PLEKHH2: variants seen among roughly 807,000 people sequenced by gnomAD.
The protein encoded by PLEKHH2 is pleckstrin homology domain-containing family H member 2.
In PLEKHH2, 129 loss-of-function variants were observed where a neutral mutation model predicts 187.9. The ratio of observed to expected loss-of-function variants is 0.69; its 90% CI spans 0.59 to 0.79. The LOEUF (loss-of-function observed/expected upper bound fraction) is 0.79, where lower values mean the gene tolerates loss of function less well. Ranked by LOEUF, PLEKHH2 falls within the 30% of genes least tolerant of loss-of-function variation. The probability of loss-of-function intolerance (pLI) is 0.00; values close to 1 mark genes in which losing one functional copy is unlikely to be tolerated. For synonymous variants in PLEKHH2, 686 were observed against 605.6 expected (o/e 1.13, Z -1.95); for missense variants, 2,076 against 1,751.2 (o/e 1.19, Z -3.31).
At chr2:43,708,443 T>C (rs1669782189) in intron 11 of PLEKHH2, among the ~76,000 whole-genome samples, 1 of 152,200 alleles carries the variant, frequency 6.6e-6, no homozygotes, top group Admixed American at 6.5e-5. Flanking sequence ...ATTCTTCCCC[T>C]AGATGTCCGT....
chr2:43,765,506 T>C lies in PLEKHH2; in HGVS notation c.4390T>C (p.Ser1464Pro), dbSNP rs760889832. The C allele has an allele frequency of 6.2e-6, 10 of 1,614,046 alleles. No homozygotes were observed. The highest frequency in any genetic ancestry group is 8.5e-6 in the Non-Finnish European group (10 of 1,180,036). ...CCACCTCTCTGCTCCAGCACTGCTC[T>C]CAGCCCAGACCCGGGGACCCCAAGC... ...FHHLSAPALLSAQTRGPQARM... is the reference protein window; with the variant it reads ...FHHLSAPALLPAQTRGPQARM... Residue 1464 changes from serine (S) to proline (P), a missense_variant, in exon 30 of 30, where the codon TCA (serine) becomes CCA (proline). Transcript: ENST00000282406.
intron 2 of PLEKHH2, among the ~76,000 whole-genome samples, chr2:43,656,884 T>G (rs1295043315): frequency 6.6e-6 from 1 of 152,042 alleles, no homozygotes; most frequent in African/African-American, 2.4e-5. Flanking sequence ...CCAGGCATGG[T>G]GGCAAGTATC....
At chr2:43,753,876 T>A in intron 25 of PLEKHH2, 116 bp downstream of exon 25, 1 of 920,028 alleles carries the variant, frequency 1.1e-6, no homozygotes, top group Non-Finnish European at 1.5e-6. Context: ...TTGCTACAAT[T>A]AGCACCTTAA....
intron 2 of PLEKHH2, among the ~76,000 whole-genome samples, chr2:43,654,066 A>T (rs1666619908): frequency 6.6e-6 from 1 of 152,244 alleles, no homozygotes; most frequent in African/African-American, 2.4e-5. Context: ...AGAAATCACT[A>T]AACTAAAAAA....
chr2:43,748,833 T>G (rs1019031984), intron 24 of PLEKHH2, among the ~76,000 whole-genome samples: 2 of 152,098 alleles, frequency 1.3e-5, no homozygotes. Flanking sequence ...CTCAGCTTAC[T>G]GCAACCTTTG....
rs770964556 is a variant in PLEKHH2 at position 43,729,549 on chromosome 2, C to G, written c.2722-88C>G. 159 of 829,150 alleles carry G rather than the reference C, an allele frequency of 1.9e-4. 1 individual carries two copies. Among genetic ancestry groups the G allele is most frequent in the Non-Finnish European group, 2.7e-4 (155 of 576,328 alleles). The allele number at this position is 829,150 out of a possible 1,614,324, so 51.4% of individuals were successfully genotyped here. On this transcript the variant is annotated intron_variant, in intron 17 of 29. Coordinates refer to ENST00000282406, the MANE Select transcript of PLEKHH2 (RefSeq NM_172069.4). The stretch of plus-strand genomic sequence containing the variant: ...TAAAGCAAGTGGTTCATTTCCATCT[C>G]AAAGTTTTCTACTGTTTATGCAAGT...
intron 4 of PLEKHH2, 152 bp downstream of exon 4, chr2:43,692,815 AG>A (rs149919085): frequency 0.14 from 116,747 of 852,024 alleles, 8,917 homozygotes; most frequent in Middle Eastern, 0.2. Context: ...TATTGGTGAA[AG>A]GTGCAAGTAA....
intron 19 of PLEKHH2, 64 bp downstream of exon 19, chr2:43,731,666 G>GA: frequency 1.9e-6 from 2 of 1,054,064 alleles, no homozygotes; most frequent in Middle Eastern, 2.5e-4. Flanking sequence ...TAAATAATTG[G>GA]AAAAAAATTA....
At chr2:43,722,202 G>T (rs1470904885) in intron 16 of PLEKHH2, among the ~76,000 whole-genome samples, 1 of 150,316 alleles carries the variant, frequency 6.7e-6, no homozygotes, top group African/African-American at 2.5e-5. Context: ...GCTGCAGTGA[G>T]CTGTGATCAT....
intron 8 of PLEKHH2, among the ~76,000 whole-genome samples, chr2:43,702,882 G>A (rs920284197): frequency 2.0e-5 from 3 of 152,108 alleles, no homozygotes; most frequent in Admixed American, 6.5e-5. Context: ...TGCTCCCAGT[G>A]GCTCAGCTTG....
intron 19 of PLEKHH2, among the ~76,000 whole-genome samples, chr2:43,737,405 G>A (rs543913917): frequency 6.6e-6 from 1 of 152,196 alleles, no homozygotes; most frequent in African/African-American, 2.4e-5. Context: ...CTGTGTATCT[G>A]TTGTCTACTG....
At chr2:43,638,536 G>C (rs1046798482) in intron 1 of PLEKHH2, among the ~76,000 whole-genome samples, 1 of 152,150 alleles carries the variant, frequency 6.6e-6, no homozygotes, top group South Asian at 2.1e-4. Context: ...ATCACTGGGG[G>C]TATTTGGAAC....
intron 17 of PLEKHH2, among the ~76,000 whole-genome samples, chr2:43,727,186 G>C (rs748683845): frequency 6.6e-6 from 1 of 152,162 alleles, no homozygotes; most frequent in Non-Finnish European, 1.5e-5. Context: ...GGCCGAGGCG[G>C]GTGGATCACA....
chr2:43,709,501 C>T (rs546416393), intron 11 of PLEKHH2, among the ~76,000 whole-genome samples: 22 of 152,042 alleles, frequency 1.4e-4, no homozygotes, highest in African/African-American at 4.6e-4. Flanking sequence ...GTAATCATAC[C>T]AAAATATTAT....
At chr2:43,687,804 A>T (rs533362065) in intron 3 of PLEKHH2, among the ~76,000 whole-genome samples, 1 of 149,912 alleles carries the variant, frequency 6.7e-6, no homozygotes, top group East Asian at 1.9e-4. Context: ...TTATTTAATT[A>T]TTTTTTTTTC....
intron 3 of PLEKHH2, among the ~76,000 whole-genome samples, chr2:43,686,844 T>A (rs1483960651): frequency 6.6e-6 from 1 of 152,218 alleles, no homozygotes; most frequent in Non-Finnish European, 1.5e-5. Context: ...TTTAAAAAGA[T>A]ATTTTATAAA....
chr2:43,711,229 T>C, intron 14 of PLEKHH2: 1 of 985,486 alleles, frequency 1.0e-6, no homozygotes. Context: ...TATTGCTCCT[T>C]TGGAGGGTGG....
intron 1 of PLEKHH2, among the ~76,000 whole-genome samples, chr2:43,643,559 G>T (rs146839279): frequency 3.3e-5 from 5 of 151,920 alleles, no homozygotes; most frequent in African/African-American, 1.2e-4. Flanking sequence ...TCTATATTAC[G>T]CTAAATACTG....
At chr2:43,749,984 A>T (rs542669660) in intron 24 of PLEKHH2, among the ~76,000 whole-genome samples, 1 of 152,382 alleles carries the variant, frequency 6.6e-6, no homozygotes, top group Admixed American at 6.5e-5. Context: ...AACCGTTGGC[A>T]ACTAACATTT....
Sources: allele counts gnomAD v4.1 joint callset (sites outside exome capture counted in the v4.1 genomes callset), GRCh38; gene constraint gnomAD v4.1.1; transcripts MANE v1.5; gene names NCBI Gene and HGNC (gene_info 2026-07-23, HGNC 2026-07-21).